The following CAMK1 variants were observed in gnomAD, a reference collection of about 807,000 sequenced individuals.
The protein encoded by CAMK1 is calcium/calmodulin-dependent protein kinase type 1.
In CAMK1, 39 loss-of-function variants were observed where a neutral mutation model predicts 49.1. The ratio of observed to expected loss-of-function variants is 0.79; its 90% CI spans 0.62 to 1.04. The LOEUF (loss-of-function observed/expected upper bound fraction) is 1.04. CAMK1 is among the 50% of genes least tolerant of loss of function. The probability of loss-of-function intolerance (pLI) is 0.00; values close to 1 mark genes in which losing one functional copy is unlikely to be tolerated. For synonymous variants in CAMK1, 192 were observed against 185.2 expected (o/e 1.04, Z -0.30); for missense variants, 457 against 472.2 (o/e 0.97, Z 0.30).
At chr3:9,767,901 AAAATC>A (rs1381898071) in intron 1 of CAMK1, 120 bp from the exon 2 acceptor site, 2 of 1,329,686 alleles carry the variant, frequency 1.5e-6, no homozygotes, top group Non-Finnish European at 2.0e-6. Flanking sequence ...TCCATTTGAC[AAAATC>A]ATTCAACAAA....
intron 2 of CAMK1, among the ~76,000 whole-genome samples, chr3:9,766,888 T>TA (rs2078169976): frequency 6.6e-6 from 1 of 152,140 alleles, no homozygotes; most frequent in African/African-American, 2.4e-5. Context: ...CAAAAAGTCT[T>TA]AAGTGTCTCC....
intron 3 of CAMK1, among the ~76,000 whole-genome samples, chr3:9,764,998 G>A (rs7630072): frequency 0.036 from 5,411 of 151,936 alleles, 214 homozygotes; most frequent in Admixed American, 0.13. Context: ...AGGCCGAGGC[G>A]GGTGGATCAC....
At chr3:9,765,197 A>C (rs1239397030) in intron 3 of CAMK1, among the ~76,000 whole-genome samples, 3 of 151,650 alleles carry the variant, frequency 2.0e-5, no homozygotes, top group Admixed American at 6.6e-5. Flanking sequence ...ACTGCACTCC[A>C]GCCGGGGCAA....
At chr3:9,766,432 G>T in intron 2 of CAMK1, 1 of 446,314 alleles carries the variant, frequency 2.2e-6, no homozygotes, top group Non-Finnish European at 4.1e-6. Flanking sequence ...AGCATCACCC[G>T]GGAACTTTTT....
rs370603726 is a variant in CAMK1, at chr3:9,762,892, A to G, written c.429+22T>C. 3.3e-5 allele frequency: 53 copies of G among 1,613,364 alleles called. No homozygotes were observed. In the African/African-American group the frequency reaches 6.5e-4, roughly 20 times the overall value. On this transcript the variant is annotated intron_variant, in intron 5 of 11. Coordinates refer to ENST00000256460, the MANE Select transcript of CAMK1 (RefSeq NM_003656.5). ...GCCCCACCCCTGGGTACCCTAGCTCACCACACCCCCTTGAGCCCCACCTTG... is the reference window on the plus strand; with the variant it reads ...GCCCCACCCCTGGGTACCCTAGCTCGCCACACCCCCTTGAGCCCCACCTTG...
intron 3 of CAMK1, among the ~76,000 whole-genome samples, chr3:9,765,013 G>A (rs2078084502): frequency 6.6e-6 from 1 of 151,814 alleles, no homozygotes; most frequent in Admixed American, 6.6e-5. Context: ...GATCACCTGA[G>A]GTCAGGAGTT....
intron 7 of CAMK1, 39 bp from the exon 8 acceptor site, chr3:9,760,807 G>A (rs1448173323): frequency 1.2e-6 from 2 of 1,612,566 alleles, no homozygotes; most frequent in Non-Finnish European, 1.7e-6. Flanking sequence ...CCACTTTCGG[G>A]TGCCGTTGGC....
At position 9,769,930 on chromosome 3, in the gene CAMK1, C is replaced by T. The variant is rs965873719; in HGVS notation, c.-131G>A. 9 of 152,234 alleles carry T rather than the reference C, an allele frequency of 5.9e-5. No individual in the cohort carries two copies. The highest frequency in any genetic ancestry group is 1.9e-4 in the African/African-American group (8 of 41,462). The allele number at this position is 152,234 out of a possible 1,614,324, so 9.4% of individuals were successfully genotyped here. ...CCGCTGCGTGCCTGGGCCACCCGCC[C>T]GCGCTCTTGCTGGAGCTGGGGCTCG... On this transcript the variant is annotated 5_prime_UTR_variant, in exon 1 of 12. Transcript: ENST00000256460.
chr3:9,761,398 A>G, intron 7 of CAMK1, 63 bp downstream of exon 7: 1 of 1,526,720 alleles, frequency 6.5e-7, no homozygotes, highest in Admixed American at 1.9e-5. Context: ...AGGAAGGAAG[A>G]GAGGAAAGTA....
At chr3:9,760,333 T>C (rs1309349835) in intron 8 of CAMK1, 2 of 272,132 alleles carry the variant, frequency 7.3e-6, no homozygotes, top group South Asian at 4.6e-5. Context: ...ACAGGTTTGC[T>C]TCTTAATAGG....
chr3:9,764,611 GTTTTTGTTTTT>G (rs1394014231), intron 3 of CAMK1, among the ~76,000 whole-genome samples: 55 of 125,150 alleles, frequency 4.4e-4, no homozygotes, highest in African/African-American at 1.7e-3. Context: ...TGCGCCTGGC[GTTTTTGTTTTT>G]TTTTTGTTTT....
At chr3:9,765,962 T>C in intron 2 of CAMK1, 72 bp from the exon 3 acceptor site, 1 of 1,614,126 alleles carries the variant, frequency 6.2e-7, no homozygotes, top group African/African-American at 1.3e-5. Context: ...CTCCATTCCC[T>C]ATGGGTTCTG....
intron 3 of CAMK1, among the ~76,000 whole-genome samples, chr3:9,764,611 G>GTGTTTTT: frequency 8.0e-6 from 1 of 125,150 alleles, no homozygotes; most frequent in South Asian, 2.8e-4. Context: ...TGCGCCTGGC[G>GTGTTTTT]TTTTTGTTTT....
At chr3:9,759,272 C>A (rs1442383659) in intron 10 of CAMK1, 1 of 1,613,422 alleles carries the variant, frequency 6.2e-7, no homozygotes, top group Non-Finnish European at 8.5e-7. Flanking sequence ...CAGACTTCTT[C>A]CTCTAGACTT....
chr3:9,767,598 C>T, intron 2 of CAMK1, 69 bp downstream of exon 2: 1 of 1,594,074 alleles, frequency 6.3e-7, no homozygotes, highest in South Asian at 1.1e-5. Flanking sequence ...CATTAATTGA[C>T]CAGAGGAAGC....
chr3:9,759,486 A>C lies in CAMK1; in HGVS notation c.912+2T>G. 1 of 1,614,122 alleles carries C rather than the reference A, an allele frequency of 6.2e-7. No individual in the cohort carries two copies. The highest frequency in any genetic ancestry group is 1.1e-5 in the South Asian group (1 of 91,078). On this transcript the variant is annotated splice_donor_variant, in intron 10 of 11. Coordinates refer to ENST00000256460, the MANE Select transcript of CAMK1 (RefSeq NM_003656.5). LOFTEE classifies it high-confidence loss of function. Reference sequence around the variant, plus strand: ...GGACCAGAACTAGGGATATGGACTCACCTTCCACTTGCTCTTGGCAAAGTT... The same window carrying C: ...GGACCAGAACTAGGGATATGGACTCCCCTTCCACTTGCTCTTGGCAAAGTT...
chr3:9,766,527 A>T, intron 2 of CAMK1: 2 of 462,956 alleles, frequency 4.3e-6, no homozygotes, highest in Non-Finnish European at 6.9e-6. Flanking sequence ...GCCCTGCCCC[A>T]GATTTACTAA....
intron 7 of CAMK1, 128 bp downstream of exon 7, chr3:9,761,329 GTAAT>G (rs1339266440): frequency 1.2e-6 from 1 of 862,048 alleles, no homozygotes; most frequent in Non-Finnish European, 1.8e-6. Flanking sequence ...AGTAATACTG[GTAAT>G]TGATTGGTGG....
intron 3 of CAMK1, among the ~76,000 whole-genome samples, chr3:9,764,315 G>A (rs1220133600): frequency 1.3e-5 from 2 of 151,894 alleles, no homozygotes; most frequent in Admixed American, 6.6e-5. Context: ...CTTTTTTTGA[G>A]ACGGAGTTTT....
Sources: allele counts gnomAD v4.1 joint callset (sites outside exome capture counted in the v4.1 genomes callset), GRCh38; gene constraint gnomAD v4.1.1; transcripts MANE v1.5; gene names NCBI Gene and HGNC (gene_info 2026-07-23, HGNC 2026-07-21).